Variants in SDK1 observed in about 807,000 individuals in gnomAD.
The protein encoded by SDK1 is protein sidekick-1.
A neutral mutation model predicts 245.5 loss-of-function variants in SDK1; 157 were observed. The ratio of observed to expected loss-of-function variants is 0.64; its 90% CI spans 0.56 to 0.73. SDK1 has a LOEUF of 0.73. SDK1 is among the 30% of genes least tolerant of loss of function. The pLI, the probability that SDK1 is intolerant of heterozygous loss-of-function variation, is 0.00. For synonymous variants in SDK1, 1,647 were observed against 1,278.5 expected, an observed-to-expected ratio of 1.29 and a Z score of -6.15; for missense variants, 3,583 against 3,002.3, an observed-to-expected ratio of 1.19 and a Z score of -4.52.
chr7:3,819,854 A>G (rs1779598987), intron 4 of SDK1, among the ~76,000 whole-genome samples: 1 of 152,192 alleles, frequency 6.6e-6, no homozygotes, highest in Non-Finnish European at 1.5e-5. Context: ...TGCAAAAGGT[A>G]GCAGGAAGAA....
chr7:3,974,027 C>G (rs1279869510), intron 12 of SDK1, among the ~76,000 whole-genome samples: 1 of 150,704 alleles, frequency 6.6e-6, no homozygotes, highest in African/African-American at 2.4e-5. Flanking sequence ...ATTAAAAATA[C>G]AAAAAAATTA....
At chr7:4,132,027 C>T (rs866914075) in intron 27 of SDK1, among the ~76,000 whole-genome samples, 39 of 152,174 alleles carry the variant, frequency 2.6e-4, no homozygotes, top group South Asian at 8.3e-4. Flanking sequence ...CTACTTGTGT[C>T]CTGGTAGGCT....
chr7:4,051,890 A>T lies in SDK1; in HGVS notation c.2911+60A>T, dbSNP rs1778875483. ...TTGTCAAAGAGGTGTATACCGCTGC[A>T]ACTTCCAGAATCAGGCAAGGGCAGA... On this transcript the variant is annotated intron_variant, in intron 19 of 44. Coordinates refer to ENST00000404826, the MANE Select transcript of SDK1 (RefSeq NM_152744.4). 1.1e-5 allele frequency: 16 copies of T among 1,474,908 alleles called. No individual in the cohort carries two copies. The East Asian group carries it at 3.7e-4, about 34-fold the overall frequency. The allele number at this position is 1,474,908 out of a possible 1,614,324, so 91.4% of individuals were successfully genotyped here. A position where few individuals can be genotyped will look rare whatever the true frequency, so the allele number is the denominator to read the frequency against.
In SDK1 at chr7:3,883,305, T is replaced by C. The variant is rs577029228; in HGVS notation, c.847+61722T>C. The stretch of plus-strand genomic sequence containing the variant: ...GCTTAAGGCCTTGTATATAGCCCTT[T>C]GCTCTGTCTCAATAGAATTTATAAA... On this transcript the variant is annotated intron_variant, in intron 5 of 44. Coordinates refer to ENST00000404826, the MANE Select transcript of SDK1 (RefSeq NM_152744.4). 3.3e-5 allele frequency among the ~76,000 whole-genome samples: 5 copies of C among 152,352 alleles called. No homozygotes were observed. The South Asian group carries it at 1.0e-3, about 32-fold the overall frequency.
intron 4 of SDK1, among the ~76,000 whole-genome samples, chr7:3,745,400 C>T (rs899561952): frequency 1.2e-4 from 18 of 152,130 alleles, no homozygotes; most frequent in Non-Finnish European, 2.5e-4. Context: ...AAACCTTCAC[C>T]CCACTTCTGC....
intron 21 of SDK1, among the ~76,000 whole-genome samples, chr7:4,079,079 C>T (rs1342168350): frequency 1.3e-5 from 2 of 152,192 alleles, no homozygotes; most frequent in Admixed American, 6.5e-5. Flanking sequence ...AAGTACGGCC[C>T]GCTCGTTCTC....
chr7:3,755,831 A>G (rs568599956), intron 4 of SDK1, among the ~76,000 whole-genome samples: 1 of 152,236 alleles, frequency 6.6e-6, no homozygotes, highest in East Asian at 1.9e-4. Flanking sequence ...ATGTTGTTGC[A>G]TGTTTTGAAT....
chr7:3,707,565 C>T (rs1784926290), intron 4 of SDK1, among the ~76,000 whole-genome samples: 1 of 152,096 alleles, frequency 6.6e-6, no homozygotes, highest in African/African-American at 2.4e-5. Flanking sequence ...CTGTTAGGTC[C>T]ATTTGTTCTA....
At chr7:3,341,268 A>G (rs147378819) in intron 1 of SDK1, among the ~76,000 whole-genome samples, 21 of 152,214 alleles carry the variant, frequency 1.4e-4, no homozygotes, top group Admixed American at 1.3e-3. Flanking sequence ...ATCAGCATCT[A>G]TCAGTTGACC....
At chr7:3,712,355 A>G (rs1235419803) in intron 4 of SDK1, among the ~76,000 whole-genome samples, 4 of 152,164 alleles carry the variant, frequency 2.6e-5, no homozygotes, top group Admixed American at 1.3e-4. Flanking sequence ...ACTGTCTCCC[A>G]TCACCCCCAG....
At chr7:3,580,743 C>T (rs554982096) in intron 1 of SDK1, among the ~76,000 whole-genome samples, 150 of 151,954 alleles carry the variant, frequency 9.9e-4, no homozygotes, top group African/African-American at 3.2e-3. Context: ...CTGAGGCAGG[C>T]GGAGCATGAG....
rs115512508 is a variant in SDK1, at chr7:4,173,244, C to G, written c.4801-978C>G. ...CTCATCTGAGTATCCCAAGAAGAGA[C>G]CAGATGCTCGGAGGCTCAGCACCCA... On this transcript the variant is annotated intron_variant, in intron 32 of 44. Coordinates refer to ENST00000404826, the MANE Select transcript of SDK1 (RefSeq NM_152744.4). Among the ~76,000 whole-genome samples, 1,011 of 152,316 alleles carry G rather than the reference C, an allele frequency of 6.6e-3. 4 individuals carry two copies. The highest frequency in any genetic ancestry group is 0.023 in the African/African-American group (953 of 41,566).
At chr7:3,727,625 G>T (rs1001973244) in intron 4 of SDK1, among the ~76,000 whole-genome samples, 33 of 151,994 alleles carry the variant, frequency 2.2e-4, no homozygotes, top group African/African-American at 7.7e-4. Flanking sequence ...TGAGTAGCTG[G>T]GATTATAGGC....
intron 1 of SDK1, among the ~76,000 whole-genome samples, chr7:3,529,713 G>C (rs1314073087): frequency 6.6e-6 from 1 of 152,146 alleles, no homozygotes; most frequent in African/African-American, 2.4e-5. Context: ...ATGAGAAACA[G>C]AATATTGATG....
At chr7:3,590,089 T>TA (rs1780815731) in intron 1 of SDK1, among the ~76,000 whole-genome samples, 1 of 152,192 alleles carries the variant, frequency 6.6e-6, no homozygotes, top group African/African-American at 2.4e-5. Flanking sequence ...AGGGGATAGA[T>TA]GATACACTAT....
intron 4 of SDK1, among the ~76,000 whole-genome samples, chr7:3,801,293 T>C (rs1286980292): frequency 6.6e-6 from 1 of 152,240 alleles, no homozygotes; most frequent in Non-Finnish European, 1.5e-5. Flanking sequence ...TTTTCTAATA[T>C]GTCTTCACTT....
intron 1 of SDK1, among the ~76,000 whole-genome samples, chr7:3,587,872 T>A (rs1780741974): frequency 6.6e-6 from 1 of 152,240 alleles, no homozygotes; most frequent in African/African-American, 2.4e-5. Flanking sequence ...GATCTTCTCC[T>A]GTGTGTTCTC....
intron 12 of SDK1, 133 bp from the exon 13 acceptor site, chr7:3,974,236 A>G (rs1782716189): frequency 1.5e-6 from 1 of 656,886 alleles, no homozygotes; most frequent in East Asian, 2.8e-5. Flanking sequence ...TCACTCTTTT[A>G]AAGAGCACAG....
chr7:3,651,061 T>C (rs982890736), intron 4 of SDK1, among the ~76,000 whole-genome samples: 2 of 152,092 alleles, frequency 1.3e-5, no homozygotes. Flanking sequence ...AAGACTTCAT[T>C]GTGTTCATAC....
Sources: allele counts gnomAD v4.1 joint callset (sites outside exome capture counted in the v4.1 genomes callset), GRCh38; gene constraint gnomAD v4.1.1; transcripts MANE v1.5; gene names NCBI Gene and HGNC (gene_info 2026-07-23, HGNC 2026-07-21).